The following MEGF6 variants were observed in gnomAD, a reference collection of about 807,000 sequenced individuals.
MEGF6 encodes multiple EGF like domains 6, also known as multiple epidermal growth factor-like domains protein 6.
Under a neutral mutation model 207.1 loss-of-function variants are expected in MEGF6, and 184 were observed. That is an observed-to-expected ratio of 0.89 (90% confidence interval 0.79 to 1.00). The LOEUF is 1.00. MEGF6 is among the 50% of genes least tolerant of loss of function. The pLI is 0.00. For missense variants in MEGF6, 2,282 were observed against 2,202.9 expected (o/e 1.04, Z -0.72); for synonymous variants, 1,038 against 910.0 (o/e 1.14, Z -2.53).
chr1:3,540,279 G>A (rs1019445468), intron 4 of MEGF6, among the ~76,000 whole-genome samples: 1 of 152,246 alleles, frequency 6.6e-6, no homozygotes, highest in African/African-American at 2.4e-5. Flanking sequence ...CTCGGACGGA[G>A]CAGGCCTCTG....
chr1:3,601,309 C>T (rs1204620272), intron 2 of MEGF6, among the ~76,000 whole-genome samples: 1 of 152,266 alleles, frequency 6.6e-6, no homozygotes, highest in East Asian at 1.9e-4. Context: ...CAAACAAATT[C>T]CCGCAGGGAA....
In MEGF6 at chr1:3,497,175, C is replaced by G. The variant is rs752617714; in HGVS notation, c.3482-56G>C. 6 of 1,539,994 alleles carry G rather than the reference C, an allele frequency of 3.9e-6. No homozygotes were observed. In the East Asian group the frequency reaches 1.4e-4, roughly 36 times the overall value. On this transcript the variant is annotated intron_variant, in intron 27 of 36. Coordinates refer to ENST00000356575, the MANE Select transcript of MEGF6 (RefSeq NM_001409.4). Reference sequence around the variant, plus strand: ...CCCAGCCCCGCCAAGGAACAGGCAGCCTCTCTGGATTCCCCCTGCCCAGCC... The same window carrying G: ...CCCAGCCCCGCCAAGGAACAGGCAGGCTCTCTGGATTCCCCCTGCCCAGCC...
intron 4 of MEGF6, among the ~76,000 whole-genome samples, chr1:3,530,497 A>G (rs1302810590): frequency 6.6e-6 from 1 of 152,192 alleles, no homozygotes; most frequent in African/African-American, 2.4e-5. Flanking sequence ...AGTTCAAAGC[A>G]ACCACCTGGA....
At position 3,511,572 on chromosome 1, in the gene MEGF6, G is replaced by A. The variant is rs367990202; in HGVS notation, c.1092C>T (p.Asp364=). The A allele has an allele frequency of 2.4e-4, 389 of 1,611,580 alleles. 1 individual carries two copies. Among genetic ancestry groups the A allele is most frequent in the Middle Eastern group, 1.2e-3 (7 of 6,050 alleles). Reference sequence around the variant, plus strand: ...CACCGATGCAGGTCCTCTGATCTGTGTCCAGCTCGTAGCCGCGGGGACATG... The same window carrying A: ...CACCGATGCAGGTCCTCTGATCTGTATCCAGCTCGTAGCCGCGGGGACATG... The part of the protein sequence containing the change: ...LCTCPRGYEL[D]TDQRTCIDVD... Residue 364 remains aspartate (D), a synonymous_variant, in exon 9 of 37, where the codon GAC becomes GAT. Transcript: ENST00000356575.
intron 17 of MEGF6, among the ~76,000 whole-genome samples, chr1:3,503,049 G>A (rs1320175643): frequency 6.6e-6 from 1 of 152,180 alleles, no homozygotes. Context: ...GTGTCAGAAG[G>A]CCCACAGCGG....
intron 4 of MEGF6, among the ~76,000 whole-genome samples, chr1:3,561,083 T>TA (rs1215091841): frequency 5.9e-5 from 9 of 151,770 alleles, no homozygotes; most frequent in African/African-American, 2.2e-4. Context: ...GCTACAAGGG[T>TA]AAAGGACCCG....
At chr1:3,554,365 C>T (rs568272344) in intron 4 of MEGF6, among the ~76,000 whole-genome samples, 35 of 152,108 alleles carry the variant, frequency 2.3e-4, no homozygotes, top group African/African-American at 7.5e-4. Flanking sequence ...GGGGTGGGGA[C>T]CCAGCCGGGC....
At chr1:3,515,206 G>A (rs1641499408) in intron 6 of MEGF6, among the ~76,000 whole-genome samples, 196 bp downstream of exon 6, 1 of 152,234 alleles carries the variant, frequency 6.6e-6, no homozygotes, top group African/African-American at 2.4e-5. Context: ...CCCAAGGGCA[G>A]CAAGCCTCAG....
At chr1:3,551,342 G>A (rs1642877920) in intron 4 of MEGF6, among the ~76,000 whole-genome samples, 2 of 152,310 alleles carry the variant, frequency 1.3e-5, no homozygotes, top group East Asian at 1.9e-4. Flanking sequence ...GGGACGACAG[G>A]ACCTAAGGGG....
At chr1:3,611,999 C>T (rs941015505), upstream of MEGF6, among the ~76,000 whole-genome samples, 1 of 152,180 alleles carries the variant, frequency 6.6e-6, no homozygotes, top group Non-Finnish European at 1.5e-5. Flanking sequence ...GGGAAGCCAG[C>T]CTCGGCTTGT....
intron 1 of MEGF6, among the ~76,000 whole-genome samples, chr1:3,609,026 C>T (rs899117825): frequency 4.6e-5 from 7 of 152,220 alleles, no homozygotes; most frequent in African/African-American, 1.7e-4. Flanking sequence ...CGCTTCAACT[C>T]AGCAGCCAGT....
In MEGF6 at chr1:3,539,325, A is replaced by C. The variant is rs192168184; in HGVS notation, c.482-15079T>G. 1.9e-3 allele frequency among the ~76,000 whole-genome samples: 285 copies of C among 151,784 alleles called. 1 individual carries two copies. Among genetic ancestry groups the C allele is most frequent in the African/African-American group, 6.7e-3 (278 of 41,432 alleles). On this transcript the variant is annotated intron_variant, in intron 4 of 36. Transcript: ENST00000356575. ...GGCCAGGCAGGGCCAGCAGAGATGC[A>C]TGGGGGAGGGGCCGGGGTGGCTGTG...
rs1370106097 is a variant in MEGF6 at position 3,505,299 on chromosome 1, G to T, written c.2097C>A (p.Cys699Ter). 3 of 1,612,054 alleles carry T rather than the reference G, an allele frequency of 1.9e-6. No individual in the cohort carries two copies. The highest frequency in any genetic ancestry group is 2.5e-6 in the Non-Finnish European group (3 of 1,179,678). The change falls in exon 17 of 37, where the codon TGC becomes TGA. Residue 699 changes from cysteine to a stop codon, truncating the protein, a stop_gained. Transcript: ENST00000356575. LOFTEE classifies it high-confidence loss of function. Reference sequence around the variant, plus strand: ...CACAGGCCACGCCCACTGGGCAGGTGCATGCCTGCCAGCACCCCGGCCCAA... The same window carrying T: ...CACAGGCCACGCCCACTGGGCAGGTTCATGCCTGCCAGCACCCCGGCCCAA... ...GYFGPGCWQA[C>*]TCPVGVACDS... is the part of the protein sequence containing the mutation.
chr1:3,499,523 G>A, intron 23 of MEGF6, 65 bp downstream of exon 23: 1 of 1,533,232 alleles, frequency 6.5e-7, no homozygotes, highest in Non-Finnish European at 8.7e-7. Flanking sequence ...GCAGGAGGGA[G>A]TCTCCTACGG....
chr1:3,616,020 G>A (rs1570268208), upstream of MEGF6, among the ~76,000 whole-genome samples: 1 of 152,180 alleles, frequency 6.6e-6, no homozygotes, highest in Non-Finnish European at 1.5e-5. Context: ...CTCATTCTCT[G>A]CTGGAAATAA....
Position 3,508,622 on chromosome 1 carries a change from G to A in MEGF6, c.1596C>T (p.Thr532=), listed in dbSNP as rs774573189. Residue 532 remains threonine, a synonymous_variant, in exon 13 of 37, where the codon ACC becomes ACT. Transcript: ENST00000356575. ...LTCDDCRNGG[T]CLLGLDGCDC... ...CACAGCCATCCAGGCCCAGGAGGCAGGTCCCTCCGTTCCTGCAGTCATCAC... is the reference window on the plus strand; with the variant it reads ...CACAGCCATCCAGGCCCAGGAGGCAAGTCCCTCCGTTCCTGCAGTCATCAC... 3 of 1,613,548 alleles carry A rather than the reference G, an allele frequency of 1.9e-6. No individual in the cohort carries two copies. The highest frequency in any genetic ancestry group is 2.5e-6 in the Non-Finnish European group (3 of 1,179,962).
At chr1:3,603,938 C>T (rs1233880123) in intron 1 of MEGF6, among the ~76,000 whole-genome samples, 1 of 152,232 alleles carries the variant, frequency 6.6e-6, no homozygotes, top group Non-Finnish European at 1.5e-5. Flanking sequence ...CCTCTGACTT[C>T]AGCCCACCCC....
intron 1 of MEGF6, among the ~76,000 whole-genome samples, chr1:3,606,541 G>A (rs996689231): frequency 6.6e-6 from 1 of 152,200 alleles, no homozygotes; most frequent in Non-Finnish European, 1.5e-5. Flanking sequence ...TGCCAGGTTT[G>A]CATGAGGGTT....
At chr1:3,521,345 C>T (rs1317985215) in intron 5 of MEGF6, among the ~76,000 whole-genome samples, 3 of 152,164 alleles carry the variant, frequency 2.0e-5, no homozygotes, top group African/African-American at 7.2e-5. Context: ...GGCCAGAAAT[C>T]CAGCCCTATC....
Sources: gnomAD v4.1 joint callset for allele counts (sites outside exome capture counted in the v4.1 genomes callset) on GRCh38, gnomAD v4.1.1 for gene constraint, MANE v1.5 for transcripts, NCBI Gene and HGNC (gene_info 2026-07-23, HGNC 2026-07-21) for gene names.